GALNT13: variants seen among roughly 807,000 people sequenced by gnomAD.
The protein encoded by GALNT13 is polypeptide N-acetylgalactosaminyltransferase 13, also known as UDP-GalNAc:polypeptide N-acetylgalactosaminyltransferase 13.
In GALNT13, 28 loss-of-function variants were observed where a neutral mutation model predicts 64.2. The observed-to-expected ratio is 0.44, with a 90% CI of 0.32 to 0.60. The LOEUF (loss-of-function observed/expected upper bound fraction) is 0.60, where lower values mean the gene tolerates loss of function less well. GALNT13 is among the 20% of genes least tolerant of loss of function. The probability of loss-of-function intolerance (pLI) is 0.05; values close to 1 mark genes in which losing one functional copy is unlikely to be tolerated. For synonymous variants in GALNT13, 214 were observed against 224.6 expected, an observed-to-expected ratio of 0.95 and a Z score of 0.42; for missense variants, 577 against 669.8, an observed-to-expected ratio of 0.86 and a Z score of 1.53.
At chr2:153,841,446 C>G in the GALNT13 span, among the ~76,000 whole-genome samples, 1 of 152,088 alleles carries the variant, frequency 6.6e-6, no homozygotes, top group African/African-American at 2.4e-5. Flanking sequence ...GTAAAGTTGA[C>G]TTTGAGTTAA....
intron 4 of GALNT13, among the ~76,000 whole-genome samples, chr2:154,220,657 C>T (rs1688277493): frequency 6.6e-6 from 1 of 151,876 alleles, no homozygotes; most frequent in African/African-American, 2.4e-5. Context: ...TTTTTTTTAT[C>T]ATGGGTTTAT....
the GALNT13 span, among the ~76,000 whole-genome samples, chr2:153,660,467 T>G: frequency 6.6e-6 from 1 of 151,802 alleles, no homozygotes; most frequent in Non-Finnish European, 1.5e-5. Flanking sequence ...GATTTATGTA[T>G]TGAAAGATTA....
the GALNT13 span, among the ~76,000 whole-genome samples, chr2:153,336,197 A>G: frequency 2.0e-5 from 3 of 152,252 alleles, no homozygotes; most frequent in East Asian, 5.8e-4. Context: ...GTGGGGTATG[A>G]TCCTCCACAC....
At chr2:154,222,200 A>C (rs1688360940) in intron 4 of GALNT13, among the ~76,000 whole-genome samples, 2 of 152,120 alleles carry the variant, frequency 1.3e-5, no homozygotes, top group Admixed American at 6.6e-5. Flanking sequence ...TTGTCTACAG[A>C]TCCTATGTAA....
the GALNT13 span, among the ~76,000 whole-genome samples, chr2:153,544,438 T>G: frequency 6.6e-6 from 1 of 152,214 alleles, no homozygotes; most frequent in Non-Finnish European, 1.5e-5. Flanking sequence ...TTGCATGATG[T>G]CTTTGTTCCT....
chr2:154,001,076 T>G (rs1162434935), intron 3 of GALNT13, among the ~76,000 whole-genome samples: 1 of 151,984 alleles, frequency 6.6e-6, no homozygotes, highest in Admixed American at 6.6e-5. Flanking sequence ...ATTCCTCTCT[T>G]AAATTTTATC....
At chr2:153,308,274 C>A in the GALNT13 span, among the ~76,000 whole-genome samples, 1 of 152,210 alleles carries the variant, frequency 6.6e-6, no homozygotes, top group Non-Finnish European at 1.5e-5. Context: ...ACACACTTTC[C>A]TACTTTTCTA....
the GALNT13 span, among the ~76,000 whole-genome samples, chr2:153,133,826 G>A: frequency 6.6e-6 from 1 of 152,164 alleles, no homozygotes; most frequent in Non-Finnish European, 1.5e-5. Flanking sequence ...GGTGTATTGA[G>A]ACCTGCAGCC....
intron 4 of GALNT13, among the ~76,000 whole-genome samples, chr2:154,234,881 A>G (rs890415908): frequency 6.6e-6 from 1 of 152,106 alleles, no homozygotes; most frequent in Non-Finnish European, 1.5e-5. Flanking sequence ...AGAATCCCCT[A>G]GTCTATTGGA....
chr2:153,635,618 G>C, the GALNT13 span, among the ~76,000 whole-genome samples: 6 of 152,100 alleles, frequency 3.9e-5, no homozygotes, highest in Non-Finnish European at 7.4e-5. Context: ...GAATTCTGCA[G>C]AGTTGAAGAG....
Position 154,042,355 on chromosome 2 carries a change from G to A in GALNT13, c.142+97716G>A, listed in dbSNP as rs1391550155. ...TGCTCATAATTTTAAATACTGTACTGAGGATTTGCTCCCTACTTTCAAAGA... is the reference window on the plus strand; with the variant it reads ...TGCTCATAATTTTAAATACTGTACTAAGGATTTGCTCCCTACTTTCAAAGA... On this transcript the variant is annotated intron_variant, in intron 3 of 12. Coordinates refer to ENST00000392825, the MANE Select transcript of GALNT13 (RefSeq NM_052917.4). 2.9e-5 allele frequency among the ~76,000 whole-genome samples: 4 copies of A among 138,166 alleles called. 1 individual carries two copies. Among genetic ancestry groups the A allele is most frequent in the Non-Finnish European group, 5.0e-5 (3 of 59,940 alleles). 90.6% of individuals were successfully genotyped at this position (138,166 alleles called of 152,430 possible).
At chr2:154,272,346 C>A (rs1691399340) in intron 8 of GALNT13, among the ~76,000 whole-genome samples, 1 of 151,950 alleles carries the variant, frequency 6.6e-6, no homozygotes, top group South Asian at 2.1e-4. Flanking sequence ...TAGCAATAAG[C>A]CAGGAATACC....
the GALNT13 span, among the ~76,000 whole-genome samples, chr2:153,609,838 T>A: frequency 6.6e-6 from 1 of 151,886 alleles, no homozygotes. Context: ...CCAGCTGGAG[T>A]CTTACACCAA....
chr2:153,857,186 T>C, the GALNT13 span, among the ~76,000 whole-genome samples: 1 of 152,156 alleles, frequency 6.6e-6, no homozygotes, highest in Admixed American at 6.5e-5. Context: ...CGATGTCAAC[T>C]TGGTAATTTG....
intron 9 of GALNT13, among the ~76,000 whole-genome samples, chr2:154,372,343 T>TC (rs58618504): frequency 0.61 from 92,133 of 151,828 alleles, 28,673 homozygotes; most frequent in Admixed American, 0.67. Flanking sequence ...AATCCTCTAA[T>TC]CCCCAGATGT....
chr2:153,470,948 C>T, the GALNT13 span, among the ~76,000 whole-genome samples: 718 of 152,212 alleles, frequency 4.7e-3, 3 homozygotes, highest in South Asian at 0.021. Flanking sequence ...TAAGTAGCCT[C>T]GAGATATTCA....
At chr2:153,738,789 T>C in the GALNT13 span, among the ~76,000 whole-genome samples, 4 of 151,936 alleles carry the variant, frequency 2.6e-5, no homozygotes, top group Non-Finnish European at 5.9e-5. Flanking sequence ...TATAATAAAT[T>C]TATCTTAGTA....
At chr2:153,747,448 T>TA in the GALNT13 span, among the ~76,000 whole-genome samples, 1,037 of 136,628 alleles carry the variant, frequency 7.6e-3, 39 homozygotes, top group East Asian at 0.08. Context: ...TTTTTTTTTT[T>TA]AGATAGATTC....
the GALNT13 span, among the ~76,000 whole-genome samples, chr2:153,730,368 T>C: frequency 1.3e-5 from 2 of 151,904 alleles, no homozygotes; most frequent in Non-Finnish European, 2.9e-5. Flanking sequence ...ATTCAATAAT[T>C]GGTACTAGAA....
Sources: allele counts gnomAD v4.1 joint callset (sites outside exome capture counted in the v4.1 genomes callset), GRCh38; gene constraint gnomAD v4.1.1; transcripts MANE v1.5; gene names NCBI Gene and HGNC (gene_info 2026-07-23, HGNC 2026-07-21).